RCC1L: variants seen among roughly 807,000 people sequenced by gnomAD.
The protein encoded by RCC1L is RCC1 like.
RCC1L carries 46 observed loss-of-function variants against 58.6 expected under a neutral mutation model. The observed-to-expected ratio is 0.79, with a 90% CI of 0.62 to 1.00. The LOEUF is 1.00. RCC1L is among the 50% of genes least tolerant of loss of function. The pLI is 0.00. For missense variants in RCC1L, 636 were observed against 623.6 expected, an observed-to-expected ratio of 1.02 and a Z score of -0.21; for synonymous variants, 281 against 262.9, an observed-to-expected ratio of 1.07 and a Z score of -0.67.
At chr7:75,052,143 C>T (rs935937733) in intron 10 of RCC1L, among the ~76,000 whole-genome samples, 7 of 152,100 alleles carry the variant, frequency 4.6e-5, no homozygotes, top group Non-Finnish European at 8.8e-5. Flanking sequence ...CCTAAGGAAG[C>T]GACTTTATTT....
downstream of RCC1L, among the ~76,000 whole-genome samples, chr7:75,039,873 C>G (rs1472772306): frequency 2.0e-5 from 3 of 152,142 alleles, no homozygotes; most frequent in Admixed American, 6.6e-5. Context: ...ATGATCAAGC[C>G]TAGCAACCGA....
At position 75,073,605 on chromosome 7, in the gene RCC1L, C is replaced by T; in HGVS notation, c.133G>A (p.Val45Met). ...RREAAEAEAEVPVVQYVGERA... is the reference protein window; with the variant it reads ...RREAAEAEAEMPVVQYVGERA... ...TCGCCCACGTACTGGACCACGGGCA[C>T]CTCCGCCTCGGCTTCTGCCGCTTCG... Residue 45 changes from valine to methionine, a missense_variant, in exon 1 of 11, where the codon GTG becomes ATG. Coordinates refer to ENST00000610322, the MANE Select transcript of RCC1L (RefSeq NM_030798.5). The T allele has an allele frequency of 6.6e-7, 1 of 1,525,534 alleles. No homozygotes were observed. The highest frequency in any genetic ancestry group is 8.7e-7 in the Non-Finnish European group (1 of 1,147,346). The allele number at this position is 1,525,534 out of a possible 1,614,324, so 94.5% of individuals were successfully genotyped here. A position where few individuals can be genotyped will look rare whatever the true frequency, so the allele number is the denominator to read the frequency against.
chr7:75,031,906 C>T (rs1212779748), intron 10 of RCC1L, among the ~76,000 whole-genome samples: 1 of 152,230 alleles, frequency 6.6e-6, no homozygotes, highest in Non-Finnish European at 1.5e-5. Flanking sequence ...CAGGAGGCCT[C>T]AGTCCTTCCC....
At chr7:75,063,992 T>A (rs1486304662) in intron 4 of RCC1L, among the ~76,000 whole-genome samples, 1 of 151,736 alleles carries the variant, frequency 6.6e-6, no homozygotes, top group Non-Finnish European at 1.5e-5. Context: ...TAAAGGGGAA[T>A]GTTTAAAAAT....
At chr7:75,063,651 G>T (rs1806353671) in intron 4 of RCC1L, among the ~76,000 whole-genome samples, 1 of 152,142 alleles carries the variant, frequency 6.6e-6, no homozygotes, top group African/African-American at 2.4e-5. Flanking sequence ...GGGCGCGGTG[G>T]GTCACGCCTG....
At chr7:75,051,817 G>A (rs1805923341) in intron 10 of RCC1L, among the ~76,000 whole-genome samples, 5 of 152,094 alleles carry the variant, frequency 3.3e-5, no homozygotes, top group African/African-American at 9.6e-5. Context: ...TGTACTCACA[G>A]GCACACACAC....
Position 75,042,949 on chromosome 7 carries a change from C to T in RCC1L, c.*83G>A, listed in dbSNP as rs974940709. On this transcript the variant is annotated 3_prime_UTR_variant, in exon 11 of 11. Coordinates refer to ENST00000610322, the MANE Select transcript of RCC1L (RefSeq NM_030798.5). ...CCTCCGCCACCACCATCCAAGAACC[C>T]CGGGGGGCTGGCCACGCGCTGGCCT... 160 of 1,606,178 alleles carry T rather than the reference C, an allele frequency of 1.0e-4. No individual in the cohort carries two copies. The highest frequency in any genetic ancestry group is 1.2e-4 in the Non-Finnish European group (142 of 1,176,068).
At position 75,029,071 on chromosome 7, in the gene RCC1L, CAG is replaced by C. The variant is rs1163906273; in HGVS notation, c.1318-994_1318-993del. On this transcript the variant is annotated intron_variant, in intron 10 of 10. Transcript: ENST00000614461. ...GGAGGGGCTTGCCCCTCTGAGGTGACAGAGGATGCCCTGGAGGTCAGGAGAGA... is the reference window on the plus strand; with the variant it reads ...GGAGGGGCTTGCCCCTCTGAGGTGACAGGATGCCCTGGAGGTCAGGAGAGA... Among the ~76,000 whole-genome samples the C allele has an allele frequency of 5.8e-3, 880 of 152,334 alleles. 11 individuals carry two copies. The highest frequency in any genetic ancestry group is 0.02 in the African/African-American group (830 of 41,580).
chr7:75,027,935 C>T, exon 11 of RCC1L: 2 of 1,343,684 alleles, frequency 1.5e-6, no homozygotes, highest in Non-Finnish European at 2.1e-6. Flanking sequence ...TCTCCAGGCC[C>T]CAGACCCCAC....
downstream of RCC1L, among the ~76,000 whole-genome samples, chr7:75,039,550 C>T (rs1418853639): frequency 4.6e-5 from 7 of 152,102 alleles, no homozygotes; most frequent in Admixed American, 3.9e-4. Flanking sequence ...TGTGGAGTGG[C>T]GGTCTGCATA....
Position 75,057,195 on chromosome 7 carries a change from A to C in RCC1L, c.1057+334T>G, listed in dbSNP as rs1806108110. ...ACCACGTTGGCCAGGCTGGTCTTGA[A>C]CTCCTGACCTCAGGTGATCTGCCTG... On this transcript the variant is annotated intron_variant, in intron 8 of 10. Coordinates refer to ENST00000610322, the MANE Select transcript of RCC1L (RefSeq NM_030798.5). Among the ~76,000 whole-genome samples the C allele has an allele frequency of 2.6e-5, 4 of 151,322 alleles. No individual in the cohort carries two copies. In the South Asian group the frequency reaches 6.3e-4, roughly 24 times the overall value.
intron 3 of RCC1L, 61 bp from the exon 4 acceptor site, chr7:75,064,709 G>A: frequency 6.3e-7 from 1 of 1,576,280 alleles, no homozygotes; most frequent in Admixed American, 1.7e-5. Context: ...AGAATGTGAG[G>A]ACTGGAAGGG....
chr7:75,056,142 A>G, intron 8 of RCC1L, 68 bp from the exon 9 acceptor site: 2 of 1,575,560 alleles, frequency 1.3e-6, no homozygotes, highest in Non-Finnish European at 1.7e-6. Flanking sequence ...CAGAAACTCA[A>G]ACTACACCAC....
At chr7:75,027,768 G>A (rs1805179309) in exon 11 of RCC1L, 1 of 523,664 alleles carries the variant, frequency 1.9e-6, no homozygotes. Context: ...TCCTGCTCGT[G>A]TAAAGCTTGG....
chr7:75,040,467 C>T (rs1422065550), downstream of RCC1L, among the ~76,000 whole-genome samples: 3 of 151,782 alleles, frequency 2.0e-5, no homozygotes, highest in African/African-American at 7.3e-5. Flanking sequence ...CTCAAACAAA[C>T]AAACAAAAAA....
In RCC1L at chr7:75,027,909, G is replaced by C. The variant is rs902981204; in HGVS notation, c.*123C>G. The C allele has an allele frequency of 6.4e-6, 7 of 1,094,522 alleles. No individual in the cohort carries two copies. The African/African-American group carries it at 9.3e-5, about 15-fold the overall frequency. 67.8% of individuals were successfully genotyped at this position (1,094,522 alleles called of 1,614,324 possible). On this transcript the variant is annotated 3_prime_UTR_variant, in exon 11 of 11. Transcript: ENST00000614461. ...TTGTCCCCCAGCTATCTCCTGGTCT[G>C]CTGGGTGGGAGGGTCTCTCCAGGCC...
downstream of RCC1L, among the ~76,000 whole-genome samples, chr7:75,039,529 G>A (rs1234669177): frequency 6.6e-6 from 1 of 152,160 alleles, no homozygotes; most frequent in East Asian, 1.9e-4. Context: ...TCTCTTCCCC[G>A]AAGAAATTAG....
intron 3 of RCC1L, among the ~76,000 whole-genome samples, chr7:75,065,637 C>T (rs587689954): frequency 6.6e-5 from 10 of 152,290 alleles, no homozygotes; most frequent in African/African-American, 2.4e-4. Context: ...TAAAAAGAGG[C>T]CATGTTACCC....
intron 4 of RCC1L, among the ~76,000 whole-genome samples, chr7:75,064,287 G>A (rs994504253): frequency 8.0e-5 from 12 of 150,478 alleles, no homozygotes; most frequent in Admixed American, 3.3e-4. Flanking sequence ...CCGAGATTGC[G>A]CCTCTGCACT....
Sources: gnomAD v4.1 joint callset for allele counts (sites outside exome capture counted in the v4.1 genomes callset) on GRCh38, gnomAD v4.1.1 for gene constraint, MANE v1.5 for transcripts, NCBI Gene and HGNC (gene_info 2026-07-23, HGNC 2026-07-21) for gene names.